RDX: variants seen among roughly 807,000 people sequenced by gnomAD.
The protein encoded by RDX is deafness, autosomal recessive 24.
RDX carries 32 observed loss-of-function variants against 83.7 expected under a neutral mutation model. That is an observed-to-expected ratio of 0.38 (90% confidence interval 0.29 to 0.51). The LOEUF is 0.51. RDX is among the 20% of genes least tolerant of loss of function. The pLI, the probability that RDX is intolerant of heterozygous loss-of-function variation, is 0.87. For synonymous variants in RDX, 229 were observed against 222.7 expected, an observed-to-expected ratio of 1.03 and a Z score of -0.25; for missense variants, 600 against 689.9, an observed-to-expected ratio of 0.87 and a Z score of 1.46.
At chr11:110,180,874 C>G (rs371124169) in intron 15 of RDX, among the ~76,000 whole-genome samples, 2 of 152,078 alleles carry the variant, frequency 1.3e-5, no homozygotes, top group East Asian at 3.9e-4. Flanking sequence ...CTCCAGCCCC[C>G]CTCTTGGATG....
chr11:110,199,822 T>C (rs1394343181), intron 14 of RDX: 6 of 652,926 alleles, frequency 9.2e-6, no homozygotes. Context: ...CCTGTTATTG[T>C]CAAACTGTCT....
intron 10 of RDX, among the ~76,000 whole-genome samples, chr11:110,242,239 G>C (rs1305745704): frequency 6.6e-6 from 1 of 152,054 alleles, no homozygotes; most frequent in Admixed American, 6.6e-5. Flanking sequence ...GATCACATGA[G>C]GTCAGGAGTT....
intron 8 of RDX, 142 bp downstream of exon 8, chr11:110,255,147 T>C: frequency 1.8e-6 from 1 of 541,618 alleles, no homozygotes; most frequent in Non-Finnish European, 3.3e-6. Context: ...TATTATTTCA[T>C]CACTGGGAAA....
At chr11:110,216,613 A>G (rs1864064522) in intron 14 of RDX, among the ~76,000 whole-genome samples, 1 of 151,354 alleles carries the variant, frequency 6.6e-6, no homozygotes, top group Non-Finnish European at 1.5e-5. Flanking sequence ...CCTGGCGTCA[A>G]GTGATCCTCT....
chr11:110,207,925 A>AT (rs1339705918), intron 14 of RDX, among the ~76,000 whole-genome samples: 3 of 152,130 alleles, frequency 2.0e-5, no homozygotes, highest in African/African-American at 7.2e-5. Context: ...TGAAAACGCA[A>AT]TTTTCATTTT....
intron 14 of RDX, among the ~76,000 whole-genome samples, chr11:110,210,866 T>TA (rs1479784366): frequency 6.6e-6 from 1 of 152,010 alleles, no homozygotes; most frequent in East Asian, 1.9e-4. Context: ...GAACAACCAG[T>TA]ACCAGCCATT....
chr11:110,189,533 A>G lies in RDX; in HGVS notation c.*31+10048T>C, dbSNP rs150817400. On this transcript the variant is annotated intron_variant, in intron 15 of 15. Coordinates refer to the RDX transcript ENST00000528498. ...CTAATAGACAGCTACAGACTATTCT[A>G]CCCATCAGTCACAGAATATACATTC... Among the ~76,000 whole-genome samples the G allele has an allele frequency of 3.5e-4, 54 of 152,298 alleles. 1 individual carries two copies. The highest frequency in any genetic ancestry group is 1.1e-3 in the African/African-American group (45 of 41,564).
At chr11:110,218,460 A>G (rs1490873270) in intron 14 of RDX, among the ~76,000 whole-genome samples, 1 of 151,978 alleles carries the variant, frequency 6.6e-6, no homozygotes. Context: ...TCATGTTGGC[A>G]CTCTCCAAGG....
At chr11:110,242,753 G>C (rs2134327224) in intron 10 of RDX, among the ~76,000 whole-genome samples, 1 of 152,224 alleles carries the variant, frequency 6.6e-6, no homozygotes, top group Non-Finnish European at 1.5e-5. Context: ...AAAAAAGGAA[G>C]CTTTTTAACA....
chr11:110,273,154 C>T (rs1357178105), intron 2 of RDX: 3 of 451,366 alleles, frequency 6.6e-6, no homozygotes, highest in South Asian at 3.2e-5. Flanking sequence ...TGAGGGCTGC[C>T]GTGAGCTATG....
At chr11:110,261,607 G>C (rs1859809016) in intron 5 of RDX, among the ~76,000 whole-genome samples, 1 of 151,784 alleles carries the variant, frequency 6.6e-6, no homozygotes, top group Admixed American at 6.6e-5. Context: ...TATCCTCTCT[G>C]TTCTAAACAG....
chr11:110,278,590 C>G (rs1036719454), intron 2 of RDX, among the ~76,000 whole-genome samples: 18 of 151,904 alleles, frequency 1.2e-4, no homozygotes. Flanking sequence ...AATCTTGCAT[C>G]TGGCAATCTT....
At position 110,178,074 on chromosome 11, in the gene RDX, G is replaced by A. The variant is rs149777457; in HGVS notation, c.*32-2840C>T. Among the ~76,000 whole-genome samples, 21 of 152,198 alleles carry A rather than the reference G, an allele frequency of 1.4e-4. No homozygotes were observed. The East Asian group carries it at 3.1e-3, about 22-fold the overall frequency. Reference sequence around the variant, plus strand: ...ACCATGGCCTCTAGACCCCTGGCCCGTCTCACAGTATGCCTGGCAAGCACT... The same window carrying A: ...ACCATGGCCTCTAGACCCCTGGCCCATCTCACAGTATGCCTGGCAAGCACT... On this transcript the variant is annotated intron_variant, in intron 15 of 15. Coordinates refer to the RDX transcript ENST00000528498.
rs1427244924 is a variant in RDX, at chr11:110,236,266, G to A, written c.1252-75C>T. The A allele has an allele frequency of 1.2e-5, 13 of 1,090,676 alleles. No homozygotes were observed. In the Admixed American group the frequency reaches 2.2e-4, roughly 18 times the overall value. 67.6% of individuals were successfully genotyped at this position (1,090,676 alleles called of 1,614,324 possible). A position where few individuals can be genotyped will look rare whatever the true frequency, so the allele number is the denominator to read the frequency against. On this transcript the variant is annotated intron_variant, in intron 11 of 13. Coordinates refer to ENST00000645495, the MANE Select transcript of RDX (RefSeq NM_002906.4). Reference sequence around the variant, plus strand: ...TCTTATAAGTCAACAAAGTTTTAATGCACATGCTTAGGCTGTTTATGTTTT... The same window carrying A: ...TCTTATAAGTCAACAAAGTTTTAATACACATGCTTAGGCTGTTTATGTTTT...
chr11:110,256,656 C>T (rs1859557918), intron 7 of RDX, among the ~76,000 whole-genome samples: 1 of 152,126 alleles, frequency 6.6e-6, no homozygotes, highest in Admixed American at 6.6e-5. Context: ...GCAAGAATTG[C>T]TAGAGGCCAG....
At chr11:110,282,182 C>T (rs181863348) in intron 1 of RDX, among the ~76,000 whole-genome samples, 7 of 152,272 alleles carry the variant, frequency 4.6e-5, no homozygotes, top group Admixed American at 6.5e-5. Context: ...TCAAATTCTT[C>T]ACACATATAT....
chr11:110,211,991 G>A (rs1462359461), intron 14 of RDX, among the ~76,000 whole-genome samples: 2 of 140,660 alleles, frequency 1.4e-5, no homozygotes, highest in East Asian at 2.1e-4. Context: ...AATCAGAGCA[G>A]AACTGAAGGA....
intron 9 of RDX, among the ~76,000 whole-genome samples, chr11:110,249,811 T>C (rs1158751247): frequency 2.0e-5 from 3 of 152,176 alleles, no homozygotes; most frequent in African/African-American, 2.4e-5. Context: ...GAGGTCAATG[T>C]TGCAGTTAGC....
At chr11:110,296,431 G>T (rs1253086121) in intron 1 of RDX, 36 bp downstream of exon 1, 2 of 151,598 alleles carry the variant, frequency 1.3e-5, no homozygotes, top group Non-Finnish European at 2.9e-5. Context: ...GGAACCGGGA[G>T]CGGGGAGTGG....
Sources: allele counts gnomAD v4.1 joint callset (sites outside exome capture counted in the v4.1 genomes callset), GRCh38; gene constraint gnomAD v4.1.1; transcripts MANE v1.5; gene names NCBI Gene and HGNC (gene_info 2026-07-23, HGNC 2026-07-21).